The following GLP1R variants were observed in gnomAD, a reference collection of about 807,000 sequenced individuals.
The protein encoded by GLP1R is glucagon like peptide 1 receptor.
GLP1R carries 32 observed loss-of-function variants against 68.4 expected under a neutral mutation model. That is an observed-to-expected ratio of 0.47 (90% confidence interval 0.35 to 0.63). The LOEUF is 0.63. GLP1R is among the 20% of genes least tolerant of loss of function. The pLI is 0.00. For missense variants in GLP1R, 502 were observed against 594.9 expected, an observed-to-expected ratio of 0.84 and a Z score of 1.62; for synonymous variants, 263 against 244.4, an observed-to-expected ratio of 1.08 and a Z score of -0.71.
chr6:39,070,772 G>A (rs1768639254), intron 5 of GLP1R, among the ~76,000 whole-genome samples: 1 of 151,204 alleles, frequency 6.6e-6, no homozygotes, highest in South Asian at 2.1e-4. Flanking sequence ...CTTTTTCATT[G>A]GCTTATTTGG....
At chr6:39,048,969 G>C (rs781167965) in intron 1 of GLP1R, 51 bp downstream of exon 1, 4 of 742,278 alleles carry the variant, frequency 5.4e-6, no homozygotes, top group African/African-American at 1.9e-5. Flanking sequence ...GGCTCTGCGG[G>C]CTGCAGGCGC....
At position 39,085,903 on chromosome 6, in the gene GLP1R, A is replaced by G. The variant is rs1769131798; in HGVS notation, c.1225-3A>G. 6.2e-7 allele frequency: 1 copy of G among 1,613,528 alleles called. No homozygotes were observed. Among genetic ancestry groups the G allele is most frequent in the African/African-American group, 1.3e-5 (1 of 74,858 alleles). The stretch of plus-strand genomic sequence containing the variant: ...TTTCGTTTCCCTCCTTTTCCCATGG[A>G]AGGTCCAGCTGGAATTTCGGAAGAG... On this transcript the variant is annotated splice_region_variant and splice_polypyrimidine_tract_variant and intron_variant, in intron 12 of 12. Coordinates refer to ENST00000373256, the MANE Select transcript of GLP1R (RefSeq NM_002062.5).
At chr6:39,082,442 T>C (rs1769030096) in intron 12 of GLP1R, among the ~76,000 whole-genome samples, 1 of 151,272 alleles carries the variant, frequency 6.6e-6, no homozygotes, top group South Asian at 2.1e-4. Flanking sequence ...GCTGGGGAGG[T>C]GAAGGCAGCG....
chr6:39,051,355 C>G (rs958997510), intron 1 of GLP1R, among the ~76,000 whole-genome samples: 6 of 152,126 alleles, frequency 3.9e-5, no homozygotes, highest in Non-Finnish European at 7.4e-5. Context: ...ACCCATTTGT[C>G]CTTGGGGATC....
intron 12 of GLP1R, among the ~76,000 whole-genome samples, chr6:39,083,296 G>A (rs1769057149): frequency 6.6e-6 from 1 of 152,192 alleles, no homozygotes; most frequent in Non-Finnish European, 1.5e-5. Context: ...GCTGCTCCAG[G>A]CACAAGGACA....
Position 39,073,797 on chromosome 6 carries a change from C to A in GLP1R, c.823+28C>A, listed in dbSNP as rs201676801. 6 of 1,606,856 alleles carry A rather than the reference C, an allele frequency of 3.7e-6. No homozygotes were observed. The African/African-American group carries it at 8.0e-5, about 21-fold the overall frequency. On this transcript the variant is annotated intron_variant, in intron 7 of 12. Coordinates refer to ENST00000373256, the MANE Select transcript of GLP1R (RefSeq NM_002062.5). ...AAGAACCGCCATCACCCACCCTGGA[C>A]CTGTGGCACGGGGGTGGGAGACCTT...
At chr6:39,065,914 G>C (rs1768493696) in intron 4 of GLP1R, 85 bp downstream of exon 4, 1 of 789,250 alleles carries the variant, frequency 1.3e-6, no homozygotes, top group African/African-American at 1.7e-5. Flanking sequence ...TGGCTTTGAT[G>C]GGGGCATCTG....
In GLP1R at chr6:39,089,586, T is replaced by A. The variant is rs1245320270; in HGVS notation, c.*3513T>A. The stretch of plus-strand genomic sequence containing the variant: ...CTCCTCAGTCCCTCCCATTTCTTTC[T>A]TCCGCAAGGAAAGAACATTGCATGT... On this transcript the variant is annotated 3_prime_UTR_variant, in exon 13 of 13. Coordinates refer to ENST00000373256, the MANE Select transcript of GLP1R (RefSeq NM_002062.5). This position sits in a 1 kb window ranked among gnomAD's most constrained non-coding sequence, Gnocchi z 4.1. 6.6e-6 allele frequency among the ~76,000 whole-genome samples: 1 copy of A among 152,216 alleles called. No individual in the cohort carries two copies. Among genetic ancestry groups the A allele is most frequent in the Non-Finnish European group, 1.5e-5 (1 of 68,034 alleles).
At position 39,079,562 on chromosome 6, in the gene GLP1R, A is replaced by G; in HGVS notation, c.1044-2A>G. 6.3e-7 allele frequency: 1 copy of G among 1,589,098 alleles called. No homozygotes were observed. The highest frequency in any genetic ancestry group is 1.1e-5 in the South Asian group (1 of 87,240). Reference sequence around the variant, plus strand: ...ACTCGAGATCTCTGCCCTGCCCCTCAGACTTGCCAAGTCCACGCTGACACT... The same window carrying G: ...ACTCGAGATCTCTGCCCTGCCCCTCGGACTTGCCAAGTCCACGCTGACACT... On this transcript the variant is annotated splice_acceptor_variant, in intron 10 of 12. Transcript: ENST00000373256. LOFTEE classifies it high-confidence loss of function. This position sits in a 1 kb window ranked among gnomAD's most constrained non-coding sequence, Gnocchi z 4.5.
At position 39,073,762 on chromosome 6, in the gene GLP1R, A is replaced by G. The variant is rs745320716; in HGVS notation, c.816A>G (p.Ile272Met). The change falls in exon 7 of 13, where the codon ATA (isoleucine) becomes ATG (methionine). Residue 272 changes from isoleucine (I) to methionine (M), a missense_variant. Transcript: ENST00000373256. ...EQWIFRLYVS[I>M]GWGVPLLFVV... The stretch of plus-strand genomic sequence containing the variant: ...GGATCTTCAGGCTCTACGTGAGCAT[A>G]GGCTGGGGTAAGAACCGCCATCACC... The G allele has an allele frequency of 8.1e-6, 13 of 1,613,894 alleles. No individual in the cohort carries two copies. Among genetic ancestry groups the G allele is most frequent in the Non-Finnish European group, 1.1e-5 (13 of 1,179,902 alleles).
chr6:39,079,540 C>A lies in GLP1R; in HGVS notation c.1044-24C>A. 2 of 1,566,648 alleles carry A rather than the reference C, an allele frequency of 1.3e-6. No homozygotes were observed. The highest frequency in any genetic ancestry group is 1.7e-6 in the Non-Finnish European group (2 of 1,159,428). On this transcript the variant is annotated intron_variant, in intron 10 of 12. Transcript: ENST00000373256. This position sits in a 1 kb window ranked among gnomAD's most constrained non-coding sequence, Gnocchi z 4.5. ...TCCATGGGAGAGGTCCAGAATGACT[C>A]GAGATCTCTGCCCTGCCCCTCAGAC...
chr6:39,056,854 C>A (rs370642065), intron 2 of GLP1R, among the ~76,000 whole-genome samples: 1 of 152,174 alleles, frequency 6.6e-6, no homozygotes, highest in Non-Finnish European at 1.5e-5. Flanking sequence ...GGCCAGCCCC[C>A]CAGCTAGAGC....
At chr6:39,063,788 C>A (rs2150826205) in intron 3 of GLP1R, among the ~76,000 whole-genome samples, 1 of 151,998 alleles carries the variant, frequency 6.6e-6, no homozygotes, top group Admixed American at 6.6e-5. Flanking sequence ...TAAAGTTGTC[C>A]CTGCCACATT....
At chr6:39,077,766 CGGA>C in intron 7 of GLP1R, among the ~76,000 whole-genome samples, 1 of 152,100 alleles carries the variant, frequency 6.6e-6, no homozygotes, top group African/African-American at 2.4e-5. Context: ...TAGGCCACTG[CGGA>C]CAGTTAGTTG....
At chr6:39,057,232 T>C (rs1768235100) in intron 2 of GLP1R, among the ~76,000 whole-genome samples, 1 of 152,210 alleles carries the variant, frequency 6.6e-6, no homozygotes, top group Non-Finnish European at 1.5e-5. Flanking sequence ...CTGGAAATAC[T>C]CCTGTTTTAC....
At chr6:39,080,867 G>T in intron 12 of GLP1R, 128 bp downstream of exon 12, 2 of 568,886 alleles carry the variant, frequency 3.5e-6, no homozygotes, top group East Asian at 3.2e-5. Context: ...TGAGGCACTA[G>T]GGTTGAGAAG....
intron 3 of GLP1R, among the ~76,000 whole-genome samples, chr6:39,059,340 G>A (rs1416328790): frequency 1.3e-5 from 2 of 152,238 alleles, no homozygotes; most frequent in South Asian, 4.1e-4. Flanking sequence ...CGACCCAGAA[G>A]CTTGGTTTAG....
chr6:39,077,270 ACCT>A (rs1768856454), intron 7 of GLP1R, among the ~76,000 whole-genome samples: 1 of 151,852 alleles, frequency 6.6e-6, no homozygotes, highest in Non-Finnish European at 1.5e-5. Context: ...TCTCTCTGAG[ACCT>A]CCTTCTAGGA....
intron 12 of GLP1R, among the ~76,000 whole-genome samples, chr6:39,082,056 G>C (rs1404076062): frequency 6.6e-6 from 1 of 152,182 alleles, no homozygotes; most frequent in Non-Finnish European, 1.5e-5. Context: ...GTGATTCCCA[G>C]AGACAGGGGC....
Sources: gnomAD v4.1 joint callset for allele counts (sites outside exome capture counted in the v4.1 genomes callset) on GRCh38, gnomAD v4.1.1 for gene constraint, Gnocchi (gnomAD v3.1) non-coding constraint, MANE v1.5 for transcripts, NCBI Gene and HGNC (gene_info 2026-07-23, HGNC 2026-07-21) for gene names.